CALN1: variants seen among roughly 807,000 people sequenced by gnomAD.
The protein encoded by CALN1 is calneuron 1.
Under a neutral mutation model 30.6 loss-of-function variants are expected in CALN1, and 17 were observed. The observed-to-expected ratio is 0.56, with a 90% CI of 0.38 to 0.83. The LOEUF (loss-of-function observed/expected upper bound fraction) is 0.83. CALN1 is among the 40% of genes least tolerant of loss of function. The pLI, the probability that CALN1 is intolerant of heterozygous loss-of-function variation, is 0.00. For synonymous variants in CALN1, 156 were observed against 131.4 expected (o/e 1.19, Z -1.28); for missense variants, 291 against 354.9 (o/e 0.82, Z 1.45).
intron 3 of CALN1, among the ~76,000 whole-genome samples, chr7:72,112,381 A>G (rs1394876516): frequency 2.0e-5 from 3 of 152,216 alleles, no homozygotes; most frequent in Admixed American, 2.0e-4. Flanking sequence ...TCACAGAAAT[A>G]TATCTTCAGG....
In CALN1 at chr7:72,209,221, CTTCCCTCT is replaced by C. The variant is rs1335223063; in HGVS notation, c.244+69457_244+69464del. ...CCCTCCTTCCCTCCTTCCTTCCCTC[CTTCCCTCT>C]TTCCTTCCCTCTTTCCTTCCCTCCT... On this transcript the variant is annotated intron_variant, in intron 3 of 6. Transcript: ENST00000395275. Among the ~76,000 whole-genome samples the C allele has an allele frequency of 2.0e-4, 22 of 109,208 alleles. No homozygotes were observed. The South Asian group carries it at 3.8e-3, about 19-fold the overall frequency. The allele number at this position is 109,208 out of a possible 152,430, so 71.6% of individuals were successfully genotyped here. A position where few individuals can be genotyped will look rare whatever the true frequency, so the allele number is the denominator to read the frequency against.
intron 3 of CALN1, among the ~76,000 whole-genome samples, chr7:72,133,295 A>G (rs1809286165): frequency 6.6e-6 from 1 of 152,228 alleles, no homozygotes; most frequent in South Asian, 2.1e-4. Flanking sequence ...AGATTATGCC[A>G]AAAGGATTTA....
At chr7:71,971,953 A>AAAAAAAAAGAAAG (rs1797839188) in intron 5 of CALN1, among the ~76,000 whole-genome samples, 9 of 72,818 alleles carry the variant, frequency 1.2e-4, no homozygotes, top group African/African-American at 1.4e-4. Context: ...AAAAAAAAAA[A>AAAAAAAAAGAAAG]AAAGAAAGAA....
At chr7:72,479,055 T>C in the CALN1 span, among the ~76,000 whole-genome samples, 1 of 152,008 alleles carries the variant, frequency 6.6e-6, no homozygotes, top group Admixed American at 6.6e-5. Context: ...CTAATTTTTG[T>C]ATTTTTAGTA....
chr7:71,979,990 G>A (rs764778231), intron 5 of CALN1, among the ~76,000 whole-genome samples: 1 of 143,560 alleles, frequency 7.0e-6, no homozygotes, highest in Non-Finnish European at 1.5e-5. Flanking sequence ...GGATTCTTCT[G>A]CCTCAGCCTC....
At chr7:71,806,965 AG>A in intron 6 of CALN1, among the ~76,000 whole-genome samples, 1 of 152,328 alleles carries the variant, frequency 6.6e-6, no homozygotes, top group East Asian at 1.9e-4. Context: ...ATTACTGAAC[AG>A]TGGGCATAAG....
intron 3 of CALN1, among the ~76,000 whole-genome samples, chr7:72,254,531 A>G (rs1287390888): frequency 6.6e-6 from 1 of 152,130 alleles, no homozygotes; most frequent in Admixed American, 6.5e-5. Context: ...TATGAAGACA[A>G]ATGTGTTTTA....
At chr7:72,204,473 C>T (rs189409281) in intron 3 of CALN1, among the ~76,000 whole-genome samples, 1 of 152,002 alleles carries the variant, frequency 6.6e-6, no homozygotes, top group East Asian at 1.9e-4. Flanking sequence ...ACAACCAACC[C>T]GATCATTGAA....
intron 6 of CALN1, among the ~76,000 whole-genome samples, chr7:71,796,618 A>G (rs988180745): frequency 6.6e-6 from 1 of 152,056 alleles, no homozygotes; most frequent in African/African-American, 2.4e-5. Context: ...TCGGCCTCCC[A>G]AAGTGCTGAG....
At position 71,997,412 on chromosome 7, in the gene CALN1, A is replaced by G. The variant is rs191525268; in HGVS notation, c.501+26245T>C. Among the ~76,000 whole-genome samples, 10 of 152,310 alleles carry G rather than the reference A, an allele frequency of 6.6e-5. No individual in the cohort carries two copies. In the East Asian group the frequency reaches 1.9e-3, roughly 29 times the overall value. On this transcript the variant is annotated intron_variant, in intron 5 of 6. Transcript: ENST00000395275. ...ATGAACACCAGAAAGAAAATAGATG[A>G]AATGATATAAACAGATCCTCAGGGG... is the stretch of plus-strand genomic sequence containing the variant.
At chr7:71,917,794 G>C (rs1413685821) in intron 5 of CALN1, among the ~76,000 whole-genome samples, 1 of 152,110 alleles carries the variant, frequency 6.6e-6, no homozygotes, top group East Asian at 1.9e-4. Flanking sequence ...AAAATTCAAG[G>C]TAAGATTTAG....
upstream of CALN1, among the ~76,000 whole-genome samples, chr7:72,449,145 G>T (rs537494108): frequency 1.3e-5 from 2 of 152,302 alleles, no homozygotes; most frequent in Non-Finnish European, 2.9e-5. Flanking sequence ...ATTAGACAGG[G>T]TTGAACTAAG....
chr7:72,257,960 G>C (rs1013389759), intron 3 of CALN1, among the ~76,000 whole-genome samples: 1 of 147,288 alleles, frequency 6.8e-6, no homozygotes, highest in Non-Finnish European at 1.5e-5. Flanking sequence ...CTGGGGACTC[G>C]AGGGGGAAGA....
chr7:72,413,649 ACT>A (rs1807321279), upstream of CALN1, among the ~76,000 whole-genome samples: 2 of 151,908 alleles, frequency 1.3e-5, no homozygotes, highest in African/African-American at 4.8e-5. Flanking sequence ...ACGCATATAA[ACT>A]CACAGTTATG....
intron 2 of CALN1, among the ~76,000 whole-genome samples, chr7:72,374,795 G>A (rs1180229732): frequency 2.0e-5 from 3 of 152,008 alleles, no homozygotes; most frequent in Non-Finnish European, 2.9e-5. Context: ...TAAGCATGAG[G>A]TTATTTAACG....
intron 6 of CALN1, among the ~76,000 whole-genome samples, chr7:71,798,248 T>C (rs56292617): frequency 0.16 from 23,735 of 151,600 alleles, 2,921 homozygotes; most frequent in African/African-American, 0.34. Context: ...TTTGAGCCAG[T>C]GCTTTTTTGG....
chr7:71,939,572 C>CAAA (rs35583884), intron 5 of CALN1, among the ~76,000 whole-genome samples: 23 of 131,536 alleles, frequency 1.7e-4, no homozygotes, highest in Non-Finnish European at 2.6e-4. Flanking sequence ...GATGTTGTCT[C>CAAA]AAAAAAAAAA....
At chr7:72,201,825 T>TC (rs1791453238) in intron 3 of CALN1, among the ~76,000 whole-genome samples, 1 of 144,524 alleles carries the variant, frequency 6.9e-6, no homozygotes, top group South Asian at 2.4e-4. Flanking sequence ...TACATCAAAC[T>TC]CCCCTCTAGC....
intron 5 of CALN1, among the ~76,000 whole-genome samples, chr7:71,857,426 G>A (rs1481456323): frequency 1.3e-5 from 2 of 152,182 alleles, no homozygotes; most frequent in African/African-American, 4.8e-5. Context: ...AGTTTAAATG[G>A]AGGGGCTGGA....
Sources: gnomAD v4.1 joint callset for allele counts (sites outside exome capture counted in the v4.1 genomes callset) on GRCh38, gnomAD v4.1.1 for gene constraint, MANE v1.5 for transcripts, NCBI Gene and HGNC (gene_info 2026-07-23, HGNC 2026-07-21) for gene names.